Variants in ADGRB3 observed in about 807,000 individuals in gnomAD.
The protein encoded by ADGRB3 is adhesion G protein-coupled receptor B3.
In ADGRB3, 37 loss-of-function variants were observed where a neutral mutation model predicts 193.4. That is an observed-to-expected ratio of 0.19 (90% CI 0.15 to 0.25). The LOEUF (loss-of-function observed/expected upper bound fraction) is 0.25, where lower values mean the gene tolerates loss of function less well. ADGRB3 is among the 10% of genes least tolerant of loss of function. ADGRB3 has a pLI of 1.00. For synonymous variants in ADGRB3, 690 were observed against 644.2 expected (o/e 1.07, Z -1.08); for missense variants, 1,637 against 1,852.9 (o/e 0.88, Z 2.14).
At chr6:69,007,417 C>T (rs1040662509) in intron 11 of ADGRB3, among the ~76,000 whole-genome samples, 11 of 151,860 alleles carry the variant, frequency 7.2e-5, no homozygotes, top group Non-Finnish European at 7.4e-5. Context: ...TCATTTTCAC[C>T]CTCTATTAAT....
rs545365769 is a variant in ADGRB3 at position 69,309,830 on chromosome 6, A to C, written c.2815-15042A>C. Among the ~76,000 whole-genome samples, 8 of 151,748 alleles carry C rather than the reference A, an allele frequency of 5.3e-5. No homozygotes were observed. The South Asian group carries it at 1.7e-3, about 31-fold the overall frequency. ...CCACGCTTCACCTCTGAAGGCAAAA[A>C]TGTGTGGAAAAGAAGATAAGTAGGC... is the stretch of plus-strand genomic sequence containing the variant. On this transcript the variant is annotated intron_variant, in intron 20 of 31. Coordinates refer to ENST00000370598, the MANE Select transcript of ADGRB3 (RefSeq NM_001704.3).
chr6:69,058,330 T>G (rs1031042320), intron 15 of ADGRB3, among the ~76,000 whole-genome samples: 1 of 151,958 alleles, frequency 6.6e-6, no homozygotes, highest in Non-Finnish European at 1.5e-5. Context: ...TCTTCTCTCT[T>G]TCTTTTCACT....
chr6:69,074,637 T>C lies in ADGRB3; in HGVS notation c.2437-1358T>C, dbSNP rs549651354. On this transcript the variant is annotated intron_variant, in intron 16 of 31. Transcript: ENST00000370598. ...CTCACTCACTGCAAGCTCCACCTCC[T>C]GGGTTGACGACATTCTCCTGCCTCA... Among the ~76,000 whole-genome samples, 7 of 150,832 alleles carry C rather than the reference T, an allele frequency of 4.6e-5. No individual in the cohort carries two copies. The South Asian group carries it at 1.3e-3, about 27-fold the overall frequency.
At chr6:68,668,870 C>T (rs751183320) in intron 3 of ADGRB3, among the ~76,000 whole-genome samples, 97 of 151,948 alleles carry the variant, frequency 6.4e-4, no homozygotes, top group Non-Finnish European at 1.1e-3. Flanking sequence ...GAGACTTCTC[C>T]GGACTCCCCC....
At chr6:69,186,965 A>G (rs1765084868) in intron 17 of ADGRB3, among the ~76,000 whole-genome samples, 2 of 147,958 alleles carry the variant, frequency 1.4e-5, no homozygotes, top group Non-Finnish European at 3.0e-5. Context: ...TTGACAACGC[A>G]TGCAGCTGAA....
intron 17 of ADGRB3, among the ~76,000 whole-genome samples, chr6:69,137,323 A>G (rs1415621887): frequency 2.0e-5 from 3 of 151,448 alleles, no homozygotes; most frequent in African/African-American, 7.3e-5. Flanking sequence ...TACCCCCATC[A>G]GTTCACAAAA....
intron 3 of ADGRB3, among the ~76,000 whole-genome samples, chr6:68,783,393 A>G (rs771218998): frequency 1.3e-5 from 2 of 150,362 alleles, no homozygotes; most frequent in Non-Finnish European, 3.0e-5. Context: ...AGAATTAATT[A>G]TATGTCTAGG....
At chr6:68,740,587 G>C (rs1385419642) in intron 3 of ADGRB3, among the ~76,000 whole-genome samples, 1 of 152,080 alleles carries the variant, frequency 6.6e-6, no homozygotes, top group Non-Finnish European at 1.5e-5. Flanking sequence ...TGGCTACTAA[G>C]AATGAAGCAT....
chr6:68,891,486 A>G (rs921953089), intron 3 of ADGRB3, among the ~76,000 whole-genome samples: 3 of 152,220 alleles, frequency 2.0e-5, no homozygotes, highest in African/African-American at 7.2e-5. Context: ...ACAAGAATTA[A>G]CTAGGTAAAT....
chr6:69,305,693 T>C (rs1768054193), intron 20 of ADGRB3, among the ~76,000 whole-genome samples: 1 of 151,270 alleles, frequency 6.6e-6, no homozygotes, highest in African/African-American at 2.4e-5. Flanking sequence ...TCTAGCTCAA[T>C]AGGCTACCTG....
At chr6:69,289,890 T>C (rs768782424) in intron 20 of ADGRB3, among the ~76,000 whole-genome samples, 4 of 151,962 alleles carry the variant, frequency 2.6e-5, no homozygotes, top group Non-Finnish European at 5.9e-5. Context: ...TGAGTCAGTG[T>C]GTGGCACAGC....
chr6:69,338,610 T>A (rs1768902752), intron 24 of ADGRB3, among the ~76,000 whole-genome samples: 1 of 152,206 alleles, frequency 6.6e-6, no homozygotes, highest in South Asian at 2.1e-4. Context: ...TCACTGTATG[T>A]CTACAGAAGC....
intron 30 of ADGRB3, among the ~76,000 whole-genome samples, chr6:69,378,984 T>A (rs1417569834): frequency 6.6e-6 from 1 of 151,932 alleles, no homozygotes; most frequent in East Asian, 1.9e-4. Flanking sequence ...AAGAAAGGGG[T>A]CTTTTGAAAT....
At chr6:68,686,187 A>C (rs1328701809) in intron 3 of ADGRB3, among the ~76,000 whole-genome samples, 2 of 152,200 alleles carry the variant, frequency 1.3e-5, no homozygotes, top group Non-Finnish European at 2.9e-5. Context: ...AATGAGCAGA[A>C]GCATTGTTGT....
chr6:69,120,480 A>AGATAGAAGACT (rs1286847651), intron 17 of ADGRB3, among the ~76,000 whole-genome samples: 1 of 152,238 alleles, frequency 6.6e-6, no homozygotes, highest in African/African-American at 2.4e-5. Flanking sequence ...ATGTGTTTGG[A>AGATAGAAGACT]GATAGAAGAC....
intron 3 of ADGRB3, among the ~76,000 whole-genome samples, chr6:68,916,736 C>A (rs1766889081): frequency 6.6e-6 from 1 of 152,084 alleles, no homozygotes; most frequent in South Asian, 2.1e-4. Context: ...TGAAAAAAAT[C>A]AATTCGTGCA....
intron 12 of ADGRB3, among the ~76,000 whole-genome samples, chr6:69,017,991 C>A (rs991945621): frequency 5.3e-5 from 8 of 151,772 alleles, no homozygotes; most frequent in African/African-American, 1.7e-4. Flanking sequence ...TTCATGGTGG[C>A]AATATTAACT....
At chr6:68,834,329 C>T (rs1768008212) in intron 3 of ADGRB3, among the ~76,000 whole-genome samples, 1 of 151,988 alleles carries the variant, frequency 6.6e-6, no homozygotes, top group Admixed American at 6.6e-5. Context: ...AGGCTAATAA[C>T]CCTGTAAGAA....
intron 3 of ADGRB3, among the ~76,000 whole-genome samples, chr6:68,733,687 G>A (rs894563247): frequency 6.6e-6 from 1 of 150,826 alleles, no homozygotes; most frequent in African/African-American, 2.5e-5. Flanking sequence ...CAGTGAGGAT[G>A]GTTAGTGGGT....
Sources: allele counts gnomAD v4.1 joint callset (sites outside exome capture counted in the v4.1 genomes callset), GRCh38; gene constraint gnomAD v4.1.1; transcripts MANE v1.5; gene names NCBI Gene and HGNC (gene_info 2026-07-23, HGNC 2026-07-21).